Variants in MYO10 observed in about 807,000 individuals in gnomAD.
MYO10 encodes unconventional myosin-X.
Under a neutral mutation model 257.3 loss-of-function variants are expected in MYO10, and 133 were observed. The ratio of observed to expected loss-of-function variants is 0.52; its 90% confidence interval spans 0.45 to 0.60. The LOEUF is 0.60. Ranked by LOEUF, MYO10 falls within the 20% of genes least tolerant of loss-of-function variation. MYO10 has a pLI of 0.00. For synonymous variants in MYO10, 1,104 were observed against 1,028.6 expected (o/e 1.07, Z -1.40); for missense variants, 2,399 against 2,635.7 (o/e 0.91, Z 1.97).
At chr5:16,672,865 C>T (rs764816556) in intron 36 of MYO10, 40 bp from the exon 37 acceptor site, 15 of 1,598,350 alleles carry the variant, frequency 9.4e-6, no homozygotes, top group East Asian at 4.5e-5. Flanking sequence ...CCACAGGCTG[C>T]GGCCCCAACA....
rs966477164 is a variant in MYO10 at position 16,818,414 on chromosome 5, A to G, written c.121-247T>C. Among the ~76,000 whole-genome samples the G allele has an allele frequency of 2.1e-3, 291 of 138,198 alleles. 2 individuals are homozygous for G. The highest frequency in any genetic ancestry group is 7.8e-3 in the African/African-American group (280 of 35,826). The allele number at this position is 138,198 out of a possible 152,430, so 90.7% of individuals were successfully genotyped here. On this transcript the variant is annotated intron_variant, in intron 2 of 40. Transcript: ENST00000513610. ...TGTGTGTGTGTGTGTGTGTGTGTAT[A>G]TATATATATATACACATATCTTTGT...
intron 34 of MYO10, 32 bp downstream of exon 34, chr5:16,675,999 T>G: frequency 6.3e-7 from 1 of 1,590,630 alleles, no homozygotes; most frequent in Non-Finnish European, 8.5e-7. Flanking sequence ...AATCATGGTC[T>G]CTGAGGAGTC....
At chr5:16,891,661 G>A (rs1745065552) in intron 1 of MYO10, among the ~76,000 whole-genome samples, 1 of 152,082 alleles carries the variant, frequency 6.6e-6, no homozygotes, top group East Asian at 1.9e-4. Flanking sequence ...GAGACAGGGA[G>A]GGAGAGACAA....
At chr5:16,924,009 G>C (rs887251070) in intron 1 of MYO10, among the ~76,000 whole-genome samples, 2 of 152,144 alleles carry the variant, frequency 1.3e-5, no homozygotes, top group Admixed American at 6.5e-5. Context: ...AGGATCGCCT[G>C]AGCCAAAGAG....
At position 16,678,896 on chromosome 5, in the gene MYO10, C is replaced by T. The variant is rs73047162; in HGVS notation, c.4542+1051G>A. On this transcript the variant is annotated intron_variant, in intron 33 of 40. Transcript: ENST00000513610. ...GGACTGCTTGGAGGGCCAGCAGTCT[C>T]CCTTGACTTGGTTCTGCACCCGGGA... 7.8e-3 allele frequency among the ~76,000 whole-genome samples: 1,181 copies of T among 152,290 alleles called. 15 individuals are homozygous for T. The highest frequency in any genetic ancestry group is 0.027 in the African/African-American group (1,118 of 41,558).
intron 2 of MYO10, among the ~76,000 whole-genome samples, chr5:16,836,244 G>C (rs1046830801): frequency 6.6e-6 from 1 of 151,964 alleles, no homozygotes; most frequent in Non-Finnish European, 1.5e-5. Flanking sequence ...GAATGCGATG[G>C]AATCAAAACA....
chr5:16,807,974 C>T (rs1742327348), intron 3 of MYO10, among the ~76,000 whole-genome samples: 1 of 152,130 alleles, frequency 6.6e-6, no homozygotes, highest in South Asian at 2.1e-4. Flanking sequence ...TCCTGTAAGC[C>T]AGAGTCATTC....
chr5:16,868,619 AT>A (rs1365483330), intron 2 of MYO10, among the ~76,000 whole-genome samples: 2 of 151,990 alleles, frequency 1.3e-5, no homozygotes, highest in African/African-American at 2.4e-5. Flanking sequence ...AAAAAAAAAA[AT>A]TCTGCTTTTC....
chr5:16,754,796 A>G, intron 19 of MYO10, 32 bp downstream of exon 19: 1 of 1,516,406 alleles, frequency 6.6e-7, no homozygotes, highest in African/African-American at 1.4e-5. Flanking sequence ...CCCTCGAGAC[A>G]GATCCCAGCC....
intron 1 of MYO10, among the ~76,000 whole-genome samples, chr5:16,899,416 C>T (rs1190525877): frequency 2.6e-5 from 4 of 151,922 alleles, no homozygotes; most frequent in Non-Finnish European, 5.9e-5. Flanking sequence ...GGGCAGATCA[C>T]CTGAGGTCAG....
At chr5:16,802,939 CAA>C (rs34168458) in intron 3 of MYO10, among the ~76,000 whole-genome samples, 9 of 137,840 alleles carry the variant, frequency 6.5e-5, no homozygotes, top group Admixed American at 7.3e-5. Flanking sequence ...TCCTCTCTCT[CAA>C]AAAAAAAAAA....
At chr5:16,705,079 A>G (rs1013104037) in intron 21 of MYO10, among the ~76,000 whole-genome samples, 6 of 152,202 alleles carry the variant, frequency 3.9e-5, no homozygotes, top group Non-Finnish European at 8.8e-5. Context: ...TATGATTCAG[A>G]GATACAGAAA....
intron 1 of MYO10, among the ~76,000 whole-genome samples, chr5:16,884,625 G>A (rs1744844451): frequency 6.6e-6 from 1 of 151,712 alleles, no homozygotes; most frequent in Admixed American, 6.6e-5. Context: ...GAGCACCAAG[G>A]ACTTAAGCAG....
chr5:16,719,108 G>A (rs370309155), intron 19 of MYO10, among the ~76,000 whole-genome samples: 4 of 150,318 alleles, frequency 2.7e-5, no homozygotes, highest in Non-Finnish European at 4.5e-5. Flanking sequence ...TTGGGTCCAC[G>A]CTGCTTTTAT....
chr5:16,878,000 A>G (rs937764739), intron 1 of MYO10, among the ~76,000 whole-genome samples: 2 of 152,188 alleles, frequency 1.3e-5, no homozygotes, highest in Non-Finnish European at 2.9e-5. Context: ...GTCATTTGAG[A>G]TGATGAAGCA....
At chr5:16,927,253 A>AG (rs1746160617) in intron 1 of MYO10, among the ~76,000 whole-genome samples, 1 of 45,248 alleles carries the variant, frequency 2.2e-5, no homozygotes, top group Admixed American at 2.5e-4. Flanking sequence ...TGCATCTACC[A>AG]CAAACATGAA....
At chr5:16,858,124 C>T (rs1377438943) in intron 2 of MYO10, among the ~76,000 whole-genome samples, 1 of 152,166 alleles carries the variant, frequency 6.6e-6, no homozygotes, top group Non-Finnish European at 1.5e-5. Flanking sequence ...CTGCTGTGAA[C>T]GCAGTCACAG....
At chr5:16,795,990 C>A (rs1580000286) in intron 3 of MYO10, among the ~76,000 whole-genome samples, 1 of 151,838 alleles carries the variant, frequency 6.6e-6, no homozygotes, top group African/African-American at 2.4e-5. Context: ...GAGACCAAGA[C>A]CACCCTGGCT....
chr5:16,766,523 G>C (rs1336347348), intron 10 of MYO10, among the ~76,000 whole-genome samples: 1 of 151,752 alleles, frequency 6.6e-6, no homozygotes, highest in East Asian at 1.9e-4. Context: ...TCTGCCTCCC[G>C]GGTTCACGCC....
Sources: gnomAD v4.1 joint callset for allele counts (sites outside exome capture counted in the v4.1 genomes callset) on GRCh38, gnomAD v4.1.1 for gene constraint, MANE v1.5 for transcripts, NCBI Gene and HGNC (gene_info 2026-07-23, HGNC 2026-07-21) for gene names.